The following GUCY2C variants were observed in gnomAD, a reference collection of about 807,000 sequenced individuals.
GUCY2C encodes the protein guanylyl cyclase C.
In GUCY2C, 118 loss-of-function variants were observed where a neutral mutation model predicts 131.1. The ratio of observed to expected loss-of-function variants is 0.90; its 90% CI spans 0.78 to 1.05. GUCY2C has a LOEUF of 1.05. Among genes scored for constraint, GUCY2C ranks in the 50% least tolerant of loss-of-function variants. The pLI, the probability that GUCY2C is intolerant of heterozygous loss-of-function variation, is 0.00. For missense variants in GUCY2C, 1,161 were observed against 1,304.4 expected (o/e 0.89, Z 1.69); for synonymous variants, 452 against 457.8 (o/e 0.99, Z 0.16).
chr12:14,615,084 ATTCCTG>A, intron 25 of GUCY2C, 141 bp from the exon 26 acceptor site: 1 of 521,486 alleles, frequency 1.9e-6, no homozygotes, highest in Non-Finnish European at 3.4e-6. Flanking sequence ...CACATCACAC[ATTCCTG>A]TTATGATTTG....
At chr12:14,628,778 T>C (rs1947078578) in intron 19 of GUCY2C, 41 bp from the exon 20 acceptor site, 2 of 936,418 alleles carry the variant, frequency 2.1e-6, no homozygotes, top group Non-Finnish European at 3.5e-6. Flanking sequence ...AAGGGGATAG[T>C]AAACTAAATC....
At chr12:14,617,668 T>A (rs1565603155) in intron 24 of GUCY2C, among the ~76,000 whole-genome samples, 3 of 152,196 alleles carry the variant, frequency 2.0e-5, no homozygotes, top group Non-Finnish European at 4.4e-5. Context: ...TTTCCCAATA[T>A]AGGGGCCTAA....
At chr12:14,675,052 T>C (rs773674954) in intron 7 of GUCY2C, among the ~76,000 whole-genome samples, 1 of 151,100 alleles carries the variant, frequency 6.6e-6, no homozygotes, top group Non-Finnish European at 1.5e-5. Flanking sequence ...TCTATAAAAA[T>C]ACAAAAAAAT....
intron 19 of GUCY2C, among the ~76,000 whole-genome samples, chr12:14,635,133 C>T (rs990164319): frequency 6.6e-6 from 1 of 152,178 alleles, no homozygotes; most frequent in African/African-American, 2.4e-5. Context: ...ATTTACAGAA[C>T]ATTTCATTCA....
At chr12:14,668,826 G>A (rs4764113) in intron 10 of GUCY2C, among the ~76,000 whole-genome samples, 148,111 of 152,162 alleles carry the variant, frequency 0.97, 72,206 homozygotes, top group Non-Finnish European at 1. Flanking sequence ...GATGGTGAGT[G>A]TGCAGCTTGC....
chr12:14,622,087 CT>C lies in GUCY2C; in HGVS notation c.2518del (p.Ser840AlafsTer52), dbSNP rs750947042. 2 of 1,609,624 alleles carry C rather than the reference CT, an allele frequency of 1.2e-6. No individual in the cohort carries two copies. Among genetic ancestry groups the C allele is most frequent in the Non-Finnish European group, 1.7e-6 (2 of 1,177,978 alleles). On this transcript the variant is annotated frameshift_variant, in exon 22 of 27. Coordinates refer to ENST00000261170, the MANE Select transcript of GUCY2C (RefSeq NM_004963.4). LOFTEE classifies it high-confidence loss of function. ...IVGFTTICKY[S>X]TPMEVVDMLN... ...CATGTCCACCACTTCCATGGGGGTG[CT>C]GTATTTGCAGATAGTAGTGAAACCT...
chr12:14,643,080 T>C (rs148459327), intron 17 of GUCY2C, among the ~76,000 whole-genome samples: 118 of 152,320 alleles, frequency 7.7e-4, no homozygotes, highest in African/African-American at 2.7e-3. Context: ...ACCACAATCC[T>C]GAAAGAGGTA....
At chr12:14,624,441 C>G (rs1946962527) in intron 21 of GUCY2C, among the ~76,000 whole-genome samples, 1 of 151,260 alleles carries the variant, frequency 6.6e-6, no homozygotes, top group African/African-American at 2.4e-5. Flanking sequence ...AACTCCATCT[C>G]AAAAATAAAT....
At chr12:14,646,041 G>A (rs1188440688) in intron 15 of GUCY2C, among the ~76,000 whole-genome samples, 1 of 152,014 alleles carries the variant, frequency 6.6e-6, no homozygotes, top group Non-Finnish European at 1.5e-5. Flanking sequence ...TCGCTACGTT[G>A]GCCAGGCTGA....
intron 20 of GUCY2C, among the ~76,000 whole-genome samples, chr12:14,627,633 C>T (rs1947052057): frequency 6.6e-6 from 1 of 152,126 alleles, no homozygotes; most frequent in African/African-American, 2.4e-5. Flanking sequence ...TTTTAAAGTT[C>T]CTCAGGTGAT....
In GUCY2C at chr12:14,643,709, G is replaced by A; in HGVS notation, c.1798-3C>T. On this transcript the variant is annotated splice_region_variant and splice_polypyrimidine_tract_variant and intron_variant, in intron 16 of 26. Coordinates refer to ENST00000261170, the MANE Select transcript of GUCY2C (RefSeq NM_004963.4). ...CTGGAGTGCAGATATGACATTCCCT[G>A]TAATTTTTTAGATGATAGAAAAACA... 6.2e-7 allele frequency: 1 copy of A among 1,609,022 alleles called. No homozygotes were observed. The highest frequency in any genetic ancestry group is 8.5e-7 in the Non-Finnish European group (1 of 1,177,842).
chr12:14,621,880 C>G, intron 22 of GUCY2C, 125 bp downstream of exon 22: 3 of 612,856 alleles, frequency 4.9e-6, no homozygotes, highest in Non-Finnish European at 5.5e-6. Context: ...AGCTCAGATT[C>G]AACCACCAAT....
intron 15 of GUCY2C, among the ~76,000 whole-genome samples, chr12:14,647,863 TTCTAG>T (rs1436088974): frequency 1.3e-5 from 2 of 152,036 alleles, no homozygotes; most frequent in Non-Finnish European, 2.9e-5. Context: ...CTTATTTTGT[TTCTAG>T]TCATCATACA....
intron 19 of GUCY2C, among the ~76,000 whole-genome samples, chr12:14,629,850 A>C (rs1429369137): frequency 6.6e-6 from 1 of 152,258 alleles, no homozygotes; most frequent in African/African-American, 2.4e-5. Context: ...TAGGGTTCCC[A>C]GATTTAGCAA....
chr12:14,679,784 T>C (rs780799762), intron 5 of GUCY2C, 31 bp from the exon 6 acceptor site: 2 of 1,091,894 alleles, frequency 1.8e-6, no homozygotes, highest in Admixed American at 1.7e-5. Flanking sequence ...AGGAGAGAAA[T>C]ATATGACAGT....
chr12:14,656,755 C>A, intron 11 of GUCY2C, 138 bp from the exon 12 acceptor site: 2 of 495,486 alleles, frequency 4.0e-6, no homozygotes, highest in South Asian at 3.7e-5. Flanking sequence ...GACAGAACAC[C>A]ATGTCCTCCA....
At chr12:14,625,233 T>C (rs1946985454) in intron 21 of GUCY2C, among the ~76,000 whole-genome samples, 1 of 152,204 alleles carries the variant, frequency 6.6e-6, no homozygotes, top group Non-Finnish European at 1.5e-5. Flanking sequence ...CTCGGGCTTC[T>C]TGGGTAGAAT....
In GUCY2C at chr12:14,696,214, C is replaced by A. The variant is rs1948652314; in HGVS notation, c.217+18G>T. The A allele has an allele frequency of 6.3e-7, 1 of 1,585,328 alleles. No homozygotes were observed. The highest frequency in any genetic ancestry group is 1.1e-5 in the South Asian group (1 of 90,446). On this transcript the variant is annotated intron_variant, in intron 1 of 26. Coordinates refer to ENST00000261170, the MANE Select transcript of GUCY2C (RefSeq NM_004963.4). ...GGTAGTAACAGAGTGGAGGAAGATT[C>A]TATTAACATTTTCTTACCAGCATTT...
At chr12:14,621,314 G>T in intron 22 of GUCY2C, 98 bp from the exon 23 acceptor site, 2 of 1,092,996 alleles carry the variant, frequency 1.8e-6, no homozygotes, top group Non-Finnish European at 2.7e-6. Flanking sequence ...AAAGTGATTT[G>T]GGAACACAGT....
Sources: allele counts gnomAD v4.1 joint callset (sites outside exome capture counted in the v4.1 genomes callset), GRCh38; gene constraint gnomAD v4.1.1; transcripts MANE v1.5; gene names NCBI Gene and HGNC (gene_info 2026-07-23, HGNC 2026-07-21).